CSMD1: variants seen among roughly 807,000 people sequenced by gnomAD.
The protein encoded by CSMD1 is CUB and Sushi multiple domains 1, also known as CUB and sushi domain-containing protein 1.
A neutral mutation model predicts 417.5 loss-of-function variants in CSMD1; 213 were observed. That is an observed-to-expected ratio of 0.51 (90% confidence interval 0.46 to 0.57). The LOEUF (loss-of-function observed/expected upper bound fraction) is 0.57, where lower values mean the gene tolerates loss of function less well. Among genes scored for constraint, CSMD1 ranks in the 20% least tolerant of loss-of-function variants. The probability of loss-of-function intolerance (pLI) is 0.00; values close to 1 mark genes in which losing one functional copy is unlikely to be tolerated. For synonymous variants in CSMD1, 2,862 were observed against 1,736.8 expected (o/e 1.65, Z -16.11); for missense variants, 6,923 against 4,529.7 (o/e 1.53, Z -15.17).
At chr8:3,982,387 A>G (rs935459169) in intron 5 of CSMD1, among the ~76,000 whole-genome samples, 2 of 151,760 alleles carry the variant, frequency 1.3e-5, no homozygotes, top group Admixed American at 6.6e-5. Flanking sequence ...CATGGTTGTT[A>G]GGAAAATTAA....
At chr8:4,710,316 G>A (rs946403435) in intron 1 of CSMD1, among the ~76,000 whole-genome samples, 10 of 149,424 alleles carry the variant, frequency 6.7e-5, no homozygotes, top group Admixed American at 2.0e-4. Context: ...ACATTTAAAC[G>A]CATATAAACA....
At chr8:4,362,297 G>C (rs930211664) in intron 3 of CSMD1, among the ~76,000 whole-genome samples, 3 of 152,072 alleles carry the variant, frequency 2.0e-5, no homozygotes, top group African/African-American at 2.4e-5. Context: ...TCCTCCTTCA[G>C]GTGGACTCCT....
chr8:3,112,120 T>C (rs909703958), intron 42 of CSMD1, among the ~76,000 whole-genome samples: 1 of 151,080 alleles, frequency 6.6e-6, no homozygotes, highest in African/African-American at 2.4e-5. Context: ...AGGGTCTGCA[T>C]CTCCTCCCAC....
intron 3 of CSMD1, among the ~76,000 whole-genome samples, chr8:4,237,051 A>G (rs1463800506): frequency 6.6e-6 from 1 of 152,208 alleles, no homozygotes; most frequent in Non-Finnish European, 1.5e-5. Flanking sequence ...CCATGGACAG[A>G]TAACAACCTC....
intron 1 of CSMD1, among the ~76,000 whole-genome samples, chr8:4,940,774 G>A (rs1274795100): frequency 6.6e-6 from 1 of 152,138 alleles, no homozygotes; most frequent in Non-Finnish European, 1.5e-5. Context: ...CATAGAAAAT[G>A]AGGGGGCAAA....
At chr8:4,159,517 G>A (rs1187832963) in intron 3 of CSMD1, among the ~76,000 whole-genome samples, 1 of 152,168 alleles carries the variant, frequency 6.6e-6, no homozygotes, top group African/African-American at 2.4e-5. Flanking sequence ...GTATATATAT[G>A]ATGGAATACC....
chr8:3,574,583 C>T (rs1564571), intron 10 of CSMD1, among the ~76,000 whole-genome samples: 36,138 of 152,100 alleles, frequency 0.24, 4,477 homozygotes, highest in Non-Finnish European at 0.28. Context: ...ATAGTAGGAG[C>T]ATTTCTAACA....
intron 3 of CSMD1, among the ~76,000 whole-genome samples, chr8:4,304,628 T>C (rs745893872): frequency 4.5e-4 from 68 of 152,304 alleles, no homozygotes; most frequent in Admixed American, 7.8e-4. Context: ...ACAGATCAGA[T>C]TCCCCTCACT....
chr8:4,054,190 G>A (rs1324536966), intron 3 of CSMD1, among the ~76,000 whole-genome samples: 1 of 152,094 alleles, frequency 6.6e-6, no homozygotes, highest in South Asian at 2.1e-4. Context: ...AGAACGCACG[G>A]CCATGAGAAG....
Position 4,597,078 on chromosome 8 carries a change from A to T in CSMD1, c.302+40264T>A, listed in dbSNP as rs117776747. 7.1e-4 allele frequency among the ~76,000 whole-genome samples: 107 copies of T among 151,236 alleles called. 2 individuals carry two copies. In the East Asian group the frequency reaches 0.02, roughly 29 times the overall value. On this transcript the variant is annotated intron_variant, in intron 2 of 69. Coordinates refer to ENST00000635120, the MANE Select transcript of CSMD1 (RefSeq NM_033225.6). Reference sequence around the variant, plus strand: ...TCCCTGCCTTGGGTATGTCTTTTTCAGCAGCATGAAAACAGACTAATACAA... The same window carrying T: ...TCCCTGCCTTGGGTATGTCTTTTTCTGCAGCATGAAAACAGACTAATACAA...
intron 5 of CSMD1, among the ~76,000 whole-genome samples, chr8:3,925,390 C>G (rs895752979): frequency 1.3e-4 from 20 of 152,052 alleles, no homozygotes; most frequent in Non-Finnish European, 2.6e-4. Context: ...ATTAAGTGTA[C>G]TTTAAAATAT....
chr8:3,232,630 G>A (rs1798907479), intron 26 of CSMD1, among the ~76,000 whole-genome samples: 2 of 152,144 alleles, frequency 1.3e-5, no homozygotes, highest in Admixed American at 6.6e-5. Context: ...CAAACAGCAT[G>A]CAGTTAGATT....
intron 5 of CSMD1, among the ~76,000 whole-genome samples, chr8:3,755,068 G>T (rs1294395458): frequency 6.6e-6 from 1 of 152,194 alleles, no homozygotes; most frequent in Non-Finnish European, 1.5e-5. Flanking sequence ...ACAATCATGT[G>T]TTTTATTTCT....
chr8:3,011,909 A>T (rs757106510), intron 52 of CSMD1, among the ~76,000 whole-genome samples: 2 of 152,232 alleles, frequency 1.3e-5, no homozygotes, highest in Non-Finnish European at 2.9e-5. Context: ...TAATTAAGGG[A>T]TCATGTAGAT....
intron 26 of CSMD1, among the ~76,000 whole-genome samples, chr8:3,276,453 G>C (rs957026203): frequency 1.3e-5 from 2 of 152,170 alleles, no homozygotes; most frequent in Non-Finnish European, 2.9e-5. Context: ...TGGTGGCAGA[G>C]AAGAGAGAGC....
chr8:4,527,072 A>T (rs772214372), intron 2 of CSMD1, among the ~76,000 whole-genome samples: 1 of 152,116 alleles, frequency 6.6e-6, no homozygotes, highest in Non-Finnish European at 1.5e-5. Context: ...TCTGGATCCA[A>T]GACATAATTT....
chr8:4,236,968 C>T (rs2128818716), intron 3 of CSMD1, among the ~76,000 whole-genome samples: 1 of 152,344 alleles, frequency 6.6e-6, no homozygotes, highest in East Asian at 1.9e-4. Context: ...AGCAGTTACA[C>T]TGAGGACCAA....
chr8:3,833,264 T>A (rs1388736703), intron 5 of CSMD1, among the ~76,000 whole-genome samples: 1 of 152,128 alleles, frequency 6.6e-6, no homozygotes, highest in African/African-American at 2.4e-5. Context: ...AATATCTGCA[T>A]TTTGTCATTA....
intron 5 of CSMD1, among the ~76,000 whole-genome samples, chr8:3,805,727 G>C (rs544766208): frequency 2.2e-3 from 332 of 151,660 alleles, no homozygotes; most frequent in Admixed American, 8.0e-3. Flanking sequence ...TTTTTAATTC[G>C]AGAATCTTAC....
Sources: allele counts gnomAD v4.1 joint callset (sites outside exome capture counted in the v4.1 genomes callset), GRCh38; gene constraint gnomAD v4.1.1; transcripts MANE v1.5; gene names NCBI Gene and HGNC (gene_info 2026-07-23, HGNC 2026-07-21).